The following CSMD1 variants were observed in gnomAD, a reference collection of about 807,000 sequenced individuals.
CSMD1 encodes CUB and sushi domain-containing protein 1.
A neutral mutation model predicts 417.5 loss-of-function variants in CSMD1; 213 were observed. The observed-to-expected ratio is 0.51, with a 90% CI of 0.46 to 0.57. The LOEUF (loss-of-function observed/expected upper bound fraction) is 0.57. Ranked by LOEUF, CSMD1 falls within the 20% of genes least tolerant of loss-of-function variation. CSMD1 has a pLI of 0.00. For synonymous variants in CSMD1, 2,862 were observed against 1,736.8 expected, an observed-to-expected ratio of 1.65 and a Z score of -16.11; for missense variants, 6,923 against 4,529.7, an observed-to-expected ratio of 1.53 and a Z score of -15.17.
chr8:4,754,287 G>A (rs1427663763), intron 1 of CSMD1, among the ~76,000 whole-genome samples: 1 of 152,112 alleles, frequency 6.6e-6, no homozygotes, highest in East Asian at 1.9e-4. Context: ...GCCAGAAATT[G>A]CACTGTTACC....
At chr8:3,697,624 A>G (rs76313837) in intron 7 of CSMD1, among the ~76,000 whole-genome samples, 2,950 of 152,260 alleles carry the variant, frequency 0.019, 87 homozygotes, top group African/African-American at 0.064. Flanking sequence ...TGCTGCTGGA[A>G]TTGTTTTGAC....
At chr8:3,072,812 C>T (rs1005738076) in intron 49 of CSMD1, among the ~76,000 whole-genome samples, 8 of 151,878 alleles carry the variant, frequency 5.3e-5, no homozygotes, top group Admixed American at 1.3e-4. Flanking sequence ...GAATACTGGT[C>T]GATGTATATA....
At chr8:3,207,513 T>G (rs59290530) in intron 30 of CSMD1, among the ~76,000 whole-genome samples, 59 of 152,066 alleles carry the variant, frequency 3.9e-4, no homozygotes, top group Non-Finnish European at 7.1e-4. Context: ...TGAATGTTAA[T>G]TAGCATTATG....
At chr8:2,987,019 C>G (rs987290472) in intron 54 of CSMD1, among the ~76,000 whole-genome samples, 1 of 152,066 alleles carries the variant, frequency 6.6e-6, no homozygotes. Flanking sequence ...CTTGCAAGTA[C>G]ATTCCCTCTT....
At chr8:4,092,804 G>A (rs143525284) in intron 3 of CSMD1, among the ~76,000 whole-genome samples, 1 of 151,736 alleles carries the variant, frequency 6.6e-6, no homozygotes, top group Non-Finnish European at 1.5e-5. Flanking sequence ...TTTTTTAATA[G>A]ACCAATATTT....
At chr8:3,922,933 C>T (rs991149902) in intron 5 of CSMD1, among the ~76,000 whole-genome samples, 13 of 152,220 alleles carry the variant, frequency 8.5e-5, no homozygotes, top group South Asian at 2.1e-4. Flanking sequence ...CAACAAATAC[C>T]GAAACAGATT....
At chr8:3,164,527 C>T (rs1025974238) in intron 37 of CSMD1, among the ~76,000 whole-genome samples, 1 of 152,130 alleles carries the variant, frequency 6.6e-6, no homozygotes, top group East Asian at 1.9e-4. Context: ...TAGATTACTA[C>T]ATTTAAATCC....
At chr8:3,600,239 C>G (rs1283916656) in intron 8 of CSMD1, among the ~76,000 whole-genome samples, 47 of 152,160 alleles carry the variant, frequency 3.1e-4, no homozygotes, top group Admixed American at 3.1e-3. Context: ...CTTCTCCTCC[C>G]CATTAGTATA....
At chr8:4,071,865 C>G (rs1357195178) in intron 3 of CSMD1, among the ~76,000 whole-genome samples, 1 of 152,150 alleles carries the variant, frequency 6.6e-6, no homozygotes, top group Non-Finnish European at 1.5e-5. Context: ...TGGAACTCCT[C>G]TGTCCTCAGC....
chr8:4,875,563 A>G (rs1802994204), intron 1 of CSMD1, among the ~76,000 whole-genome samples: 2 of 152,050 alleles, frequency 1.3e-5, no homozygotes, highest in South Asian at 4.1e-4. Context: ...AGAAGCATAG[A>G]TCTTGTCACC....
chr8:4,974,144 G>C (rs762880272), intron 1 of CSMD1, among the ~76,000 whole-genome samples: 4 of 151,566 alleles, frequency 2.6e-5, no homozygotes, highest in African/African-American at 9.7e-5. Context: ...AGCCTCCCGA[G>C]TAGCTGAGAT....
intron 25 of CSMD1, among the ~76,000 whole-genome samples, chr8:3,287,017 G>C (rs368986414): frequency 0.11 from 17,165 of 151,794 alleles, 1,020 homozygotes; most frequent in Middle Eastern, 0.15. Flanking sequence ...GTAAGGAAGG[G>C]ATCCAGTTTC....
intron 2 of CSMD1, among the ~76,000 whole-genome samples, chr8:4,562,393 C>G (rs778967758): frequency 1.4e-4 from 22 of 152,218 alleles, no homozygotes; most frequent in Non-Finnish European, 2.4e-4. Context: ...GAACCTAGCC[C>G]TCAAATTAGT....
chr8:4,428,556 C>G (rs1797694215), intron 2 of CSMD1, among the ~76,000 whole-genome samples: 2 of 151,940 alleles, frequency 1.3e-5, no homozygotes, highest in Admixed American at 1.3e-4. Flanking sequence ...ATGTATTTTC[C>G]TACAATAAAC....
At chr8:3,569,235 G>C (rs943465791) in intron 10 of CSMD1, among the ~76,000 whole-genome samples, 1 of 152,050 alleles carries the variant, frequency 6.6e-6, no homozygotes, top group Non-Finnish European at 1.5e-5. Context: ...ATTTTCTAAC[G>C]ATAGATATTT....
chr8:4,292,493 C>A (rs938310460), intron 3 of CSMD1, among the ~76,000 whole-genome samples: 2 of 152,130 alleles, frequency 1.3e-5, no homozygotes, highest in Non-Finnish European at 2.9e-5. Flanking sequence ...ACCTCGTAAT[C>A]TGCCTGCCTT....
chr8:4,941,195 C>G (rs1478935628), intron 1 of CSMD1, among the ~76,000 whole-genome samples: 1 of 152,092 alleles, frequency 6.6e-6, no homozygotes, highest in Non-Finnish European at 1.5e-5. Flanking sequence ...AATATTGTAA[C>G]ATTCATTCTT....
chr8:3,567,319 AC>A (rs2116899073), intron 10 of CSMD1, among the ~76,000 whole-genome samples: 1 of 152,188 alleles, frequency 6.6e-6, no homozygotes, highest in African/African-American at 2.4e-5. Context: ...ACTGTTGGGT[AC>A]TGGGCTTAAT....
intron 3 of CSMD1, among the ~76,000 whole-genome samples, chr8:4,052,963 C>T (rs771175926): frequency 6.6e-6 from 1 of 152,054 alleles, no homozygotes; most frequent in Admixed American, 6.6e-5. Flanking sequence ...ATAAATGGAC[C>T]CAGAACCTGA....
Sources: gnomAD v4.1 joint callset for allele counts (sites outside exome capture counted in the v4.1 genomes callset) on GRCh38, gnomAD v4.1.1 for gene constraint, MANE v1.5 for transcripts, NCBI Gene and HGNC (gene_info 2026-07-23, HGNC 2026-07-21) for gene names.